TMEM243: variants seen among roughly 807,000 people sequenced by gnomAD.
The protein encoded by TMEM243 is MDR1 and mitochondrial taxol resistance associated.
A neutral mutation model predicts 15.0 loss-of-function variants in TMEM243; 20 were observed. The observed-to-expected ratio is 1.33, with a 90% CI of 0.94 to 1.93. TMEM243 has a LOEUF of 1.93. Among genes scored for constraint, TMEM243 ranks in the 30% most tolerant of loss-of-function variants. The pLI is 0.00. For synonymous variants in TMEM243, 72 were observed against 52.7 expected, an observed-to-expected ratio of 1.37 and a Z score of -1.59; for missense variants, 156 against 142.1, an observed-to-expected ratio of 1.10 and a Z score of -0.50.
Position 87,219,651 on chromosome 7 carries a change from G to A in TMEM243, c.-148C>T. 1.5e-6 allele frequency: 1 copy of A among 678,050 alleles called. No homozygotes were observed. The highest frequency in any genetic ancestry group is 2.7e-5 in the East Asian group (1 of 36,472). 42.0% of individuals were successfully genotyped at this position (678,050 alleles called of 1,614,324 possible). ...GGGGAAGCGCTGGCGCCAGGGATGG[G>A]TGGGGGCTCACACGCGGGGAACGCG... is the stretch of plus-strand genomic sequence containing the variant. On this transcript the variant is annotated 5_prime_UTR_variant, in exon 1 of 4. Coordinates refer to ENST00000257637, the MANE Select transcript of TMEM243 (RefSeq NM_024315.4).
At chr7:87,203,917 T>G (rs1209219146) in intron 1 of TMEM243, among the ~76,000 whole-genome samples, 2 of 152,176 alleles carry the variant, frequency 1.3e-5, no homozygotes, top group Admixed American at 1.3e-4. Context: ...CTGGCATGGT[T>G]AAAATGCTAC....
chr7:87,209,471 A>G (rs1226363246), intron 1 of TMEM243, among the ~76,000 whole-genome samples: 1 of 140,150 alleles, frequency 7.1e-6, no homozygotes, highest in Non-Finnish European at 1.6e-5. Flanking sequence ...AGAGTGAGAC[A>G]GAGAGTGAGA....
intron 1 of TMEM243, among the ~76,000 whole-genome samples, chr7:87,206,678 C>G (rs1436669523): frequency 6.6e-6 from 1 of 152,224 alleles, no homozygotes; most frequent in African/African-American, 2.4e-5. Context: ...TTAAAACTTA[C>G]AAATTATTTC....
Position 87,199,133 on chromosome 7 carries a change from T to TG in TMEM243, c.79-77dup, listed in dbSNP as rs1276445094. ...TCAGTATAGTACAATGCAAGGCATT[T>TG]GGATGGTTTACTATAAAGAAACCCA... On this transcript the variant is annotated intron_variant, in intron 1 of 3. Coordinates refer to ENST00000257637, the MANE Select transcript of TMEM243 (RefSeq NM_024315.4). The TG allele has an allele frequency of 1.1e-5, 13 of 1,232,114 alleles. No homozygotes were observed. The Admixed American group carries it at 1.5e-4, about 14-fold the overall frequency. The allele number at this position is 1,232,114 out of a possible 1,614,324, so 76.3% of individuals were successfully genotyped here. A position where few individuals can be genotyped will look rare whatever the true frequency, so the allele number is the denominator to read the frequency against.
chr7:87,218,171 T>G (rs1160491544), intron 1 of TMEM243, among the ~76,000 whole-genome samples: 1 of 152,236 alleles, frequency 6.6e-6, no homozygotes, highest in Non-Finnish European at 1.5e-5. Context: ...CTGACAGGGT[T>G]CCTTGGCTCC....
In TMEM243 at chr7:87,196,415, T is replaced by TAAGGGTTGGAATGTTTAGGTGCA; in HGVS notation, c.*198_*220dup. 2.3e-6 allele frequency: 1 copy of TAAGGGTTGGAATGTTTAGGTGCA among 430,864 alleles called. No individual in the cohort carries two copies. The highest frequency in any genetic ancestry group is 4.4e-5 in the South Asian group (1 of 22,894). The allele number at this position is 430,864 out of a possible 1,614,324, so 26.7% of individuals were successfully genotyped here. A position where few individuals can be genotyped will look rare whatever the true frequency, so the allele number is the denominator to read the frequency against. The stretch of plus-strand genomic sequence containing the variant: ...AAATTTTTTTGTGCTGTTTTAGCTT[T>TAAGGGTTGGAATGTTTAGGTGCA]AAGGGTTGGAATGTTTAGGTGCAAC... On this transcript the variant is annotated 3_prime_UTR_variant, in exon 4 of 4. Transcript: ENST00000257637.
intron 1 of TMEM243, among the ~76,000 whole-genome samples, chr7:87,215,380 A>C (rs1803030719): frequency 6.6e-6 from 1 of 152,216 alleles, no homozygotes; most frequent in East Asian, 1.9e-4. Context: ...CTGGGATTAC[A>C]GGCCTGAGCC....
chr7:87,211,111 C>A (rs1314660305), intron 1 of TMEM243, among the ~76,000 whole-genome samples: 2 of 152,200 alleles, frequency 1.3e-5, no homozygotes, highest in Non-Finnish European at 2.9e-5. Context: ...TCTGAAATTC[C>A]CTGGGGACAT....
At chr7:87,199,504 A>C (rs191153790) in intron 1 of TMEM243, 1 of 155,322 alleles carries the variant, frequency 6.4e-6, no homozygotes, top group East Asian at 1.9e-4. Context: ...ATCCTTGTCT[A>C]GTCTAAAAAT....
At chr7:87,205,869 T>C (rs10238917) in intron 1 of TMEM243, among the ~76,000 whole-genome samples, 128,833 of 152,118 alleles carry the variant, frequency 0.85, 54,740 homozygotes, top group Middle Eastern at 0.96. Context: ...GTTCCAAAGT[T>C]GCTTCCACAT....
Position 87,196,624 on chromosome 7 carries a change from T to TC in TMEM243, c.*11dup, listed in dbSNP as rs1801267697. 1 of 1,607,410 alleles carries TC rather than the reference T, an allele frequency of 6.2e-7. No individual in the cohort carries two copies. ...TTTGAAGAGTCCTGGTAAGTACTTC[T>TC]CCTTGGCAGCCTCACCTTCCCACAT... On this transcript the variant is annotated 3_prime_UTR_variant, in exon 4 of 4. Transcript: ENST00000257637.
chr7:87,219,533 C>A lies in TMEM243; in HGVS notation c.-30G>T, dbSNP rs776374682. On this transcript the variant is annotated 5_prime_UTR_variant, in exon 1 of 4. Transcript: ENST00000257637. ...GGGTTTCTTCACTTTCCCCAAGCCA[C>A]TTAAAAGCAAGACAGCATGACCTCC... 6.2e-7 allele frequency: 1 copy of A among 1,609,632 alleles called. No individual in the cohort carries two copies. Among genetic ancestry groups the A allele is most frequent in the Non-Finnish European group, 8.5e-7 (1 of 1,176,014 alleles).
chr7:87,219,804 A>C, upstream of TMEM243: 33 of 396,284 alleles, frequency 8.3e-5, no homozygotes, highest in East Asian at 2.2e-4. Flanking sequence ...ACTTCCTCAA[A>C]TCTCAGCCCT....
chr7:87,206,432 C>G (rs970077467), intron 1 of TMEM243, among the ~76,000 whole-genome samples: 4 of 152,322 alleles, frequency 2.6e-5, no homozygotes, highest in Admixed American at 1.3e-4. Context: ...ATGGGAAAGA[C>G]AGTCTACAAG....
At chr7:87,219,983 A>T (rs150341266), upstream of TMEM243, among the ~76,000 whole-genome samples, 1 of 152,356 alleles carries the variant, frequency 6.6e-6, no homozygotes, top group Non-Finnish European at 1.5e-5. Context: ...TTCTACGGTA[A>T]GCACGTATTC....
chr7:87,203,702 G>T (rs1302039765), intron 1 of TMEM243, among the ~76,000 whole-genome samples: 1 of 151,770 alleles, frequency 6.6e-6, no homozygotes, highest in Non-Finnish European at 1.5e-5. Context: ...AAGTACAACA[G>T]AATTTTAAGT....
At chr7:87,210,100 C>T (rs989027909) in intron 1 of TMEM243, among the ~76,000 whole-genome samples, 11 of 150,740 alleles carry the variant, frequency 7.3e-5, no homozygotes, top group South Asian at 6.3e-4. Flanking sequence ...CGTGTGGGAG[C>T]GGGGAACTGC....
chr7:87,219,217 C>G (rs1398503410), intron 1 of TMEM243, among the ~76,000 whole-genome samples: 1 of 152,206 alleles, frequency 6.6e-6, no homozygotes, highest in Non-Finnish European at 1.5e-5. Flanking sequence ...CTTTTCTCCA[C>G]TCCAGCCTTC....
At chr7:87,200,597 C>T (rs192076528) in intron 1 of TMEM243, among the ~76,000 whole-genome samples, 33 of 152,216 alleles carry the variant, frequency 2.2e-4, no homozygotes, top group African/African-American at 7.7e-4. Flanking sequence ...CAGCAAGTTG[C>T]CTACCAGGAT....
Sources: gnomAD v4.1 joint callset for allele counts (sites outside exome capture counted in the v4.1 genomes callset) on GRCh38, gnomAD v4.1.1 for gene constraint, MANE v1.5 for transcripts, NCBI Gene and HGNC (gene_info 2026-07-23, HGNC 2026-07-21) for gene names.